Variants in ERC1 observed in about 807,000 individuals in gnomAD.
The protein encoded by ERC1 is ELKS/RAB6-interacting/CAST family member 1, also known as RAB6 interacting protein 2.
ERC1 carries 56 observed loss-of-function variants against 132.0 expected under a neutral mutation model. That is an observed-to-expected ratio of 0.42 (90% CI 0.34 to 0.53). The LOEUF is 0.53. Among genes scored for constraint, ERC1 ranks in the 20% least tolerant of loss-of-function variants. The probability of loss-of-function intolerance (pLI) is 0.03; values close to 1 mark genes in which losing one functional copy is unlikely to be tolerated. For synonymous variants in ERC1, 478 were observed against 476.1 expected (o/e 1.00, Z -0.05); for missense variants, 1,202 against 1,349.9 (o/e 0.89, Z 1.72).
intron 15 of ERC1, among the ~76,000 whole-genome samples, chr12:1,295,521 G>A (rs531238962): frequency 8.1e-4 from 123 of 152,168 alleles, no homozygotes; most frequent in Non-Finnish European, 1.1e-3. Flanking sequence ...AGATAGAGCC[G>A]TGGGGAATCT....
chr12:1,286,993 GAAC>G (rs2079081872), intron 14 of ERC1, among the ~76,000 whole-genome samples: 1 of 152,078 alleles, frequency 6.6e-6, no homozygotes, highest in Admixed American at 6.6e-5. Context: ...CTCTTGAAGA[GAAC>G]AAGCTGAGAC....
At chr12:1,143,329 C>CGTGTGTGT (rs4017792) in intron 8 of ERC1, among the ~76,000 whole-genome samples, 2,584 of 128,922 alleles carry the variant, frequency 0.02, 81 homozygotes, top group East Asian at 0.1. Context: ...GCTTTTGACT[C>CGTGTGTGT]GTGTGTGTGT....
intron 15 of ERC1, among the ~76,000 whole-genome samples, chr12:1,341,079 T>C (rs928099931): frequency 6.9e-5 from 1 of 14,472 alleles, no homozygotes; most frequent in Admixed American, 5.9e-4. Context: ...CTTTTTTTTT[T>C]TTTTTTTTTT....
intron 18 of ERC1, among the ~76,000 whole-genome samples, chr12:1,464,652 C>T (rs556777603): frequency 2.5e-4 from 38 of 151,046 alleles, no homozygotes; most frequent in African/African-American, 9.0e-4. Flanking sequence ...TCCCGAGTAG[C>T]TGGGACTACA....
At chr12:1,177,967 C>G (rs1656311824) in intron 8 of ERC1, among the ~76,000 whole-genome samples, 1 of 152,108 alleles carries the variant, frequency 6.6e-6, no homozygotes, top group African/African-American at 2.4e-5. Context: ...ATAGTAGTGT[C>G]TGATTAAATC....
chr12:1,162,918 C>G (rs1188601487), intron 8 of ERC1, among the ~76,000 whole-genome samples: 1 of 152,042 alleles, frequency 6.6e-6, no homozygotes, highest in Non-Finnish European at 1.5e-5. Flanking sequence ...TTATAATTGT[C>G]TAATAGAACT....
chr12:1,316,123 G>A (rs1272355040), intron 15 of ERC1, among the ~76,000 whole-genome samples: 4 of 152,070 alleles, frequency 2.6e-5, no homozygotes, highest in East Asian at 1.9e-4. Context: ...TCCTGACCTC[G>A]TGATCCACCC....
rs1967290059 is a variant in ERC1 at position 1,028,478 on chromosome 12, C to A, written c.575C>A (p.Pro192Gln). 1 of 1,613,954 alleles carries A rather than the reference C, an allele frequency of 6.2e-7. No individual in the cohort carries two copies. Among genetic ancestry groups the A allele is most frequent in the South Asian group, 1.1e-5 (1 of 91,074 alleles). ...AATAGCATCAAGACCTTCTGGAGCCCAGAGCTGAAGAAGGAACGAGCCCTG... is the reference window on the plus strand; with the variant it reads ...AATAGCATCAAGACCTTCTGGAGCCAAGAGCTGAAGAAGGAACGAGCCCTG... ...SMNSIKTFWS[P>Q]ELKKERALRK... Residue 192 changes from proline (P) to glutamine (Q), a missense_variant, in exon 2 of 19, where the codon CCA becomes CAA. Pro to Gln is a moderately conservative substitution (Grantham distance 76, BLOSUM62 -1). Transcript: ENST00000360905.
chr12:1,287,736 G>T (rs550874755), intron 14 of ERC1, among the ~76,000 whole-genome samples: 3 of 152,160 alleles, frequency 2.0e-5, no homozygotes, highest in African/African-American at 7.2e-5. Flanking sequence ...CAAGCCTTTG[G>T]ATTTGGGTTG....
intron 17 of ERC1, among the ~76,000 whole-genome samples, chr12:1,426,674 G>T (rs1438133174): frequency 6.6e-6 from 1 of 152,090 alleles, no homozygotes; most frequent in Non-Finnish European, 1.5e-5. Flanking sequence ...GTCTAGTGTG[G>T]TATAGTAATG....
chr12:1,025,975 T>G (rs1230837591), intron 1 of ERC1, among the ~76,000 whole-genome samples: 1 of 152,026 alleles, frequency 6.6e-6, no homozygotes, highest in East Asian at 1.9e-4. Context: ...TTTTGTACTT[T>G]TAGTGAGATT....
intron 15 of ERC1, among the ~76,000 whole-genome samples, chr12:1,295,263 C>A (rs1326648676): frequency 6.6e-6 from 1 of 152,180 alleles, no homozygotes; most frequent in Non-Finnish European, 1.5e-5. Flanking sequence ...TTCGAAAGGT[C>A]CCCCATCGAT....
intron 16 of ERC1, among the ~76,000 whole-genome samples, chr12:1,385,139 A>AG (rs2089170814): frequency 1.3e-5 from 2 of 152,350 alleles, no homozygotes; most frequent in East Asian, 3.9e-4. Context: ...CATTGGCCTG[A>AG]AGCCAGTGAA....
intron 12 of ERC1, among the ~76,000 whole-genome samples, chr12:1,204,779 G>A (rs566468739): frequency 3.3e-5 from 5 of 152,286 alleles, no homozygotes; most frequent in East Asian, 1.9e-4. Flanking sequence ...AGAGCATTAC[G>A]AGGAAAGAGG....
Position 1,329,048 on chromosome 12 carries a change from CTT to C in ERC1, c.2780+39038_2780+39039del, listed in dbSNP as rs2082677800. On this transcript the variant is annotated intron_variant, in intron 15 of 18. Coordinates refer to ENST00000360905, the MANE Select transcript of ERC1 (RefSeq NM_178040.4). ...GTGGCTCACGCCTGTAATCCCAGCA[CTT>C]TGGGAGGCTGAGGCGGGCAGATCAC... Among the ~76,000 whole-genome samples, 3 of 143,838 alleles carry C rather than the reference CTT, an allele frequency of 2.1e-5. 1 individual carries two copies. Among genetic ancestry groups the C allele is most frequent in the Non-Finnish European group, 4.5e-5 (3 of 66,498 alleles). 94.4% of individuals were successfully genotyped at this position (143,838 alleles called of 152,430 possible).
chr12:1,080,473 C>G (rs7298537), intron 2 of ERC1, among the ~76,000 whole-genome samples: 34,554 of 152,112 alleles, frequency 0.23, 4,348 homozygotes, highest in Middle Eastern at 0.27. Flanking sequence ...CTTTTTAAGG[C>G]TGAAAATCAT....
chr12:1,022,898 G>A (rs887198863), intron 1 of ERC1, among the ~76,000 whole-genome samples: 11 of 152,106 alleles, frequency 7.2e-5, no homozygotes, highest in African/African-American at 1.9e-4. Context: ...GATTACAGGC[G>A]TTAGCCACCG....
At chr12:1,305,756 C>T (rs1333058297) in intron 15 of ERC1, among the ~76,000 whole-genome samples, 1 of 152,108 alleles carries the variant, frequency 6.6e-6, no homozygotes, top group African/African-American at 2.4e-5. Flanking sequence ...CTCCTTCTCT[C>T]CTAATTTTTG....
intron 15 of ERC1, among the ~76,000 whole-genome samples, chr12:1,346,681 G>A (rs774470545): frequency 5.9e-5 from 9 of 152,264 alleles, no homozygotes; most frequent in Admixed American, 1.3e-4. Context: ...GGTGGCTCAC[G>A]CCTGTAATCC....
Sources: gnomAD v4.1 joint callset for allele counts (sites outside exome capture counted in the v4.1 genomes callset) on GRCh38, gnomAD v4.1.1 for gene constraint, MANE v1.5 for transcripts, NCBI Gene and HGNC (gene_info 2026-07-23, HGNC 2026-07-21) for gene names.